EGFR: variants seen among roughly 807,000 people sequenced by gnomAD.
The protein encoded by EGFR is epidermal growth factor receptor.
EGFR carries 58 observed loss-of-function variants against 143.0 expected under a neutral mutation model. The ratio of observed to expected loss-of-function variants is 0.41; its 90% CI spans 0.33 to 0.50. The LOEUF (loss-of-function observed/expected upper bound fraction) is 0.50. Ranked by LOEUF, EGFR falls within the 20% of genes least tolerant of loss-of-function variation. EGFR has a pLI of 0.39. For synonymous variants in EGFR, 613 were observed against 594.4 expected, an observed-to-expected ratio of 1.03 and a Z score of -0.45; for missense variants, 1,307 against 1,579.0, an observed-to-expected ratio of 0.83 and a Z score of 2.92.
At chr7:55,142,198 C>T (rs2128925955) in intron 1 of EGFR, 88 bp from the exon 2 acceptor site, 1 of 1,532,970 alleles carries the variant, frequency 6.5e-7, no homozygotes, top group Non-Finnish European at 9.0e-7. Flanking sequence ...AAACTGCTAC[C>T]CTTAATACCT....
At chr7:55,169,798 C>T (rs1004384255) in intron 15 of EGFR, among the ~76,000 whole-genome samples, 1 of 152,218 alleles carries the variant, frequency 6.6e-6, no homozygotes, top group Non-Finnish European at 1.5e-5. Flanking sequence ...ACTGGTCTAC[C>T]TTTCCCTACA....
chr7:55,029,301 A>C (rs1214895226), intron 1 of EGFR, among the ~76,000 whole-genome samples: 5 of 152,250 alleles, frequency 3.3e-5, no homozygotes, highest in Non-Finnish European at 7.3e-5. Flanking sequence ...AGAGAATCAG[A>C]AACCTTATCC....
chr7:55,205,538 G>C lies in EGFR; in HGVS notation c.3554G>C (p.Gly1185Ala), dbSNP rs746585833. The C allele has an allele frequency of 3.1e-6, 5 of 1,614,182 alleles. No individual in the cohort carries two copies. Among genetic ancestry groups the C allele is most frequent in the Non-Finnish European group, 4.2e-6 (5 of 1,180,032 alleles). Residue 1185 changes from glycine (G) to alanine (A), a missense_variant, in exon 28 of 28, where the codon GGC becomes GCC. This residue lies in a region of EGFR where 313 missense variants were observed against 312.3 expected (regional missense o/e 1.00). Coordinates refer to ENST00000275493, the MANE Select transcript of EGFR (RefSeq NM_005228.5). ...TTTCCCAAGGAAGCCAAGCCAAATGGCATCTTTAAGGGCTCCACAGCTGAA... is the reference window on the plus strand; with the variant it reads ...TTTCCCAAGGAAGCCAAGCCAAATGCCATCTTTAAGGGCTCCACAGCTGAA... ...DFFPKEAKPN[G>A]IFKGSTAENA...
chr7:55,203,560 CACACCACACACACAT>C (rs1251539089), intron 27 of EGFR, among the ~76,000 whole-genome samples: 5 of 42,062 alleles, frequency 1.2e-4, no homozygotes, highest in South Asian at 1.2e-3. Flanking sequence ...CACACATACA[CACACCACACACACAT>C]ACGCCACACA....
intron 1 of EGFR, among the ~76,000 whole-genome samples, chr7:55,019,641 C>G (rs1019142465): frequency 1.3e-5 from 2 of 152,116 alleles, no homozygotes; most frequent in Non-Finnish European, 2.9e-5. Flanking sequence ...CTCCGGCGCC[C>G]CGAACCGCTC....
chr7:55,047,970 A>G (rs1458736470), intron 1 of EGFR, among the ~76,000 whole-genome samples: 4 of 152,170 alleles, frequency 2.6e-5, no homozygotes, highest in Non-Finnish European at 4.4e-5. Flanking sequence ...ATATAAATAT[A>G]TAAGTGAAAA....
At chr7:55,198,589 G>T (rs1284593239) in intron 22 of EGFR, 128 bp from the exon 23 acceptor site, 14 of 1,431,780 alleles carry the variant, frequency 9.8e-6, no homozygotes, top group Non-Finnish European at 1.4e-5. Context: ...GAAGCAAATT[G>T]CCCAAGACTA....
chr7:55,198,878 G>A lies in EGFR; in HGVS notation c.2848+15G>A, dbSNP rs376011908. ...CATGGTCAAGTGTGAGTGACTGGTG[G>A]GTCTGTCCACACTGCCTAGCTGAGC... On this transcript the variant is annotated intron_variant, in intron 23 of 27. Coordinates refer to ENST00000275493, the MANE Select transcript of EGFR (RefSeq NM_005228.5). The A allele has an allele frequency of 6.2e-7, 1 of 1,613,850 alleles. No individual in the cohort carries two copies. Among genetic ancestry groups the A allele is most frequent in the Non-Finnish European group, 8.5e-7 (1 of 1,180,002 alleles).
chr7:55,194,496 T>A (rs10251909), intron 22 of EGFR, among the ~76,000 whole-genome samples: 47,358 of 152,016 alleles, frequency 0.31, 8,142 homozygotes, highest in Non-Finnish European at 0.39. Flanking sequence ...AAAGTGCATA[T>A]TTTTTAACTT....
At chr7:55,123,176 T>C (rs1793313725) in intron 1 of EGFR, among the ~76,000 whole-genome samples, 1 of 152,218 alleles carries the variant, frequency 6.6e-6, no homozygotes, top group Non-Finnish European at 1.5e-5. Flanking sequence ...GGTTGTGTAT[T>C]AAATATCACG....
intron 1 of EGFR, among the ~76,000 whole-genome samples, chr7:55,027,987 AAAAAAT>A (rs1186785901): frequency 3.7e-4 from 29 of 79,126 alleles, no homozygotes; most frequent in African/African-American, 1.2e-3. Context: ...AAAAAAAAAA[AAAAAAT>A]ATATATATAT....
At chr7:55,189,670 T>C (rs562290505) in intron 20 of EGFR, among the ~76,000 whole-genome samples, 20 of 152,286 alleles carry the variant, frequency 1.3e-4, no homozygotes, top group African/African-American at 4.8e-4. Flanking sequence ...TGTGTGTGGC[T>C]CTTTACTGTA....
chr7:55,123,114 C>A (rs571462857), intron 1 of EGFR, among the ~76,000 whole-genome samples: 56 of 152,274 alleles, frequency 3.7e-4, no homozygotes, highest in African/African-American at 1.3e-3. Context: ...TGTCTACAGG[C>A]TTGCTATAGA....
chr7:55,132,804 T>C (rs1293951147), intron 1 of EGFR, among the ~76,000 whole-genome samples: 2 of 152,218 alleles, frequency 1.3e-5, no homozygotes, highest in Non-Finnish European at 2.9e-5. Context: ...TGATTCATCC[T>C]TAGCAGCTAC....
At chr7:55,050,817 A>G (rs1010304656) in intron 1 of EGFR, among the ~76,000 whole-genome samples, 1 of 152,182 alleles carries the variant, frequency 6.6e-6, no homozygotes, top group African/African-American at 2.4e-5. Flanking sequence ...CTTTCAAAAA[A>G]TAAAAAACCC....
chr7:55,156,085 A>G, intron 8 of EGFR, 139 bp downstream of exon 8: 1 of 741,198 alleles, frequency 1.3e-6, no homozygotes, highest in Non-Finnish European at 2.3e-6. Flanking sequence ...ACAGAAGATA[A>G]AGCTGTAAAG....
At chr7:55,102,278 C>G (rs1791878758) in intron 1 of EGFR, among the ~76,000 whole-genome samples, 1 of 152,204 alleles carries the variant, frequency 6.6e-6, no homozygotes, top group Non-Finnish European at 1.5e-5. Flanking sequence ...CCAAATTCCT[C>G]TCCCCATCTC....
At chr7:55,065,036 G>A (rs1193021651) in intron 1 of EGFR, among the ~76,000 whole-genome samples, 3 of 152,164 alleles carry the variant, frequency 2.0e-5, no homozygotes, top group African/African-American at 4.8e-5. Context: ...TTTTTTAGAG[G>A]CATGTATTGA....
chr7:55,066,408 C>T lies in EGFR; in HGVS notation c.88+47043C>T, dbSNP rs569602974. Among the ~76,000 whole-genome samples, 6 of 149,344 alleles carry T rather than the reference C, an allele frequency of 4.0e-5. No individual in the cohort carries two copies. The South Asian group carries it at 1.1e-3, about 27-fold the overall frequency. ...CCCCGGGAGCTGGTGCAAGCAGAGG[C>T]GACAGGGCAAGGGAGCTTGGGTTGT... is the stretch of plus-strand genomic sequence containing the variant. On this transcript the variant is annotated intron_variant, in intron 1 of 27. Transcript: ENST00000275493.
Sources: allele counts gnomAD v4.1 joint callset (sites outside exome capture counted in the v4.1 genomes callset), GRCh38; gene constraint gnomAD v4.1.1; regional missense constraint gnomAD v4.1.1; transcripts MANE v1.5; gene names NCBI Gene and HGNC (gene_info 2026-07-23, HGNC 2026-07-21).